Variants in TMEM232 observed in about 807,000 individuals in gnomAD.
TMEM232 encodes transmembrane protein 232.
Under a neutral mutation model 78.8 loss-of-function variants are expected in TMEM232, and 80 were observed. The observed-to-expected ratio is 1.01, with a 90% CI of 0.85 to 1.22. The LOEUF (loss-of-function observed/expected upper bound fraction) is 1.22, where lower values mean the gene tolerates loss of function less well. Among genes scored for constraint, TMEM232 ranks in the 50% most tolerant of loss-of-function variants. TMEM232 has a pLI of 0.00. For missense variants in TMEM232, 881 were observed against 742.2 expected, an observed-to-expected ratio of 1.19 and a Z score of -2.17; for synonymous variants, 297 against 254.3, an observed-to-expected ratio of 1.17 and a Z score of -1.60.
chr5:110,557,381 C>T (rs138987704), intron 11 of TMEM232, among the ~76,000 whole-genome samples: 3 of 152,266 alleles, frequency 2.0e-5, no homozygotes, highest in East Asian at 1.9e-4. Context: ...GACATTCCAG[C>T]CATTTCAGTC....
chr5:110,518,972 A>G (rs1769092412), intron 12 of TMEM232, among the ~76,000 whole-genome samples: 2 of 152,128 alleles, frequency 1.3e-5, no homozygotes, highest in African/African-American at 4.8e-5. Flanking sequence ...TTTAGCATCT[A>G]GCTAAACTAG....
intron 11 of TMEM232, among the ~76,000 whole-genome samples, chr5:110,541,711 A>G (rs537090574): frequency 2.0e-5 from 3 of 152,318 alleles, no homozygotes; most frequent in African/African-American, 7.2e-5. Context: ...AGCCCTCTTA[A>G]GGATCCATAA....
chr5:110,472,859 T>C (rs1187681100), intron 12 of TMEM232, among the ~76,000 whole-genome samples: 2 of 151,800 alleles, frequency 1.3e-5, no homozygotes, highest in East Asian at 1.9e-4. Context: ...GGTTGGAAAA[T>C]TGAATGTCTA....
At chr5:110,663,750 T>C (rs1392357150) in intron 2 of TMEM232, among the ~76,000 whole-genome samples, 1 of 150,776 alleles carries the variant, frequency 6.6e-6, no homozygotes, top group South Asian at 2.1e-4. Context: ...TGTGTATGTG[T>C]GTGTGTGTGT....
intron 11 of TMEM232, among the ~76,000 whole-genome samples, chr5:110,561,929 C>G (rs1388426937): frequency 6.6e-6 from 1 of 152,018 alleles, no homozygotes; most frequent in Admixed American, 6.6e-5. Context: ...TAAAATATCT[C>G]CTTGTATAAG....
rs1243140546 is a variant in TMEM232, at chr5:110,424,957, G to A, written c.1704-41C>T. On this transcript the variant is annotated intron_variant, in intron 12 of 13. Transcript: ENST00000455884. ...AGAACAAATCCAACATTAGGTATAG[G>A]TACTCCTATTCCCCAGAAATAGAAT... 3.7e-6 allele frequency: 5 copies of A among 1,342,558 alleles called. No homozygotes were observed. In the African/African-American group the frequency reaches 7.4e-5, roughly 20 times the overall value. 83.2% of individuals were successfully genotyped at this position (1,342,558 alleles called of 1,614,324 possible).
At chr5:110,465,178 G>T (rs1309922027) in intron 12 of TMEM232, among the ~76,000 whole-genome samples, 3 of 152,230 alleles carry the variant, frequency 2.0e-5, no homozygotes, top group African/African-American at 7.2e-5. Context: ...CAAAGACAGG[G>T]AAAACCAGGT....
intron 11 of TMEM232, among the ~76,000 whole-genome samples, chr5:110,557,006 C>A (rs540186308): frequency 6.6e-6 from 1 of 152,114 alleles, no homozygotes; most frequent in African/African-American, 2.4e-5. Context: ...TTCAGGGATG[C>A]CAATAAGTCA....
intron 1 of TMEM232, among the ~76,000 whole-genome samples, chr5:110,719,334 T>C (rs1415330223): frequency 1.3e-5 from 2 of 152,022 alleles, no homozygotes; most frequent in African/African-American, 4.8e-5. Context: ...ATCTTTTCTC[T>C]TTACTGACAT....
chr5:110,735,237 G>T (rs1799039409), intron 1 of TMEM232, among the ~76,000 whole-genome samples: 1 of 152,180 alleles, frequency 6.6e-6, no homozygotes, highest in African/African-American at 2.4e-5. Flanking sequence ...AGGCACTTTT[G>T]TTTGGTAGGA....
chr5:110,460,723 T>C (rs1332491167), intron 12 of TMEM232, among the ~76,000 whole-genome samples: 1 of 151,936 alleles, frequency 6.6e-6, no homozygotes. Flanking sequence ...ATCGAGCAAA[T>C]CTATTGGTAT....
At chr5:110,574,207 A>G (rs1777301318) in intron 10 of TMEM232, among the ~76,000 whole-genome samples, 1 of 152,050 alleles carries the variant, frequency 6.6e-6, no homozygotes, top group Non-Finnish European at 1.5e-5. Flanking sequence ...TATGTCTGCT[A>G]CTTTGTATTA....
chr5:110,532,414 A>T (rs556983496), intron 11 of TMEM232, among the ~76,000 whole-genome samples: 47 of 150,676 alleles, frequency 3.1e-4, no homozygotes, highest in Non-Finnish European at 5.6e-4. Flanking sequence ...CTTCTTAATC[A>T]ATACGGAGGC....
chr5:110,497,896 T>C (rs939302623), intron 12 of TMEM232, among the ~76,000 whole-genome samples: 3 of 152,140 alleles, frequency 2.0e-5, no homozygotes, highest in African/African-American at 7.2e-5. Flanking sequence ...TACTTCATCT[T>C]TTGGACTCTA....
intron 8 of TMEM232, among the ~76,000 whole-genome samples, chr5:110,614,626 A>G (rs1274412575): frequency 3.3e-5 from 5 of 152,210 alleles, no homozygotes; most frequent in African/African-American, 1.2e-4. Context: ...AATCATTTAT[A>G]CTTTTTATCT....
chr5:110,515,664 G>C (rs72788444), intron 12 of TMEM232, among the ~76,000 whole-genome samples: 22,484 of 152,130 alleles, frequency 0.15, 2,051 homozygotes, highest in African/African-American at 0.25. Context: ...AGCCTCTCCA[G>C]TAAAGCCTAT....
intron 12 of TMEM232, among the ~76,000 whole-genome samples, chr5:110,430,499 G>C (rs564042577): frequency 6.6e-6 from 1 of 151,500 alleles, no homozygotes; most frequent in Non-Finnish European, 1.5e-5. Context: ...AGTTTCAAAA[G>C]AGCTACTATT....
intron 1 of TMEM232, among the ~76,000 whole-genome samples, chr5:110,694,794 T>C (rs1231678909): frequency 2.0e-5 from 3 of 152,118 alleles, no homozygotes; most frequent in African/African-American, 7.2e-5. Flanking sequence ...GCACCAAGAT[T>C]CATAAAGCAA....
At chr5:110,572,811 G>GA (rs201292106) in intron 10 of TMEM232, among the ~76,000 whole-genome samples, 3 of 151,760 alleles carry the variant, frequency 2.0e-5, no homozygotes, top group East Asian at 1.9e-4. Flanking sequence ...AGTTAATGAA[G>GA]AAAAAAAACC....
Sources: allele counts gnomAD v4.1 joint callset (sites outside exome capture counted in the v4.1 genomes callset), GRCh38; gene constraint gnomAD v4.1.1; transcripts MANE v1.5; gene names NCBI Gene and HGNC (gene_info 2026-07-23, HGNC 2026-07-21).